The following AGBL1 variants were observed in gnomAD, a reference collection of about 807,000 sequenced individuals.
AGBL1 encodes AGBL carboxypeptidase 1.
A neutral mutation model predicts 118.9 loss-of-function variants in AGBL1; 130 were observed. That is an observed-to-expected ratio of 1.09 (90% confidence interval 0.95 to 1.26). AGBL1 has a LOEUF of 1.26. Ranked by LOEUF, AGBL1 falls within the 50% of genes most tolerant of loss-of-function variation. The pLI, the probability that AGBL1 is intolerant of heterozygous loss-of-function variation, is 0.00. For synonymous variants in AGBL1, 555 were observed against 478.9 expected, an observed-to-expected ratio of 1.16 and a Z score of -2.08; for missense variants, 1,584 against 1,298.1, an observed-to-expected ratio of 1.22 and a Z score of -3.38.
intron 7 of AGBL1, among the ~76,000 whole-genome samples, chr15:86,255,103 G>T (rs1005843748): frequency 6.6e-6 from 1 of 152,040 alleles, no homozygotes; most frequent in Admixed American, 6.6e-5. Flanking sequence ...ACATACCTAG[G>T]TTCCAAAATG....
chr15:86,648,342 A>G lies in AGBL1; in HGVS notation c.2995-25931A>G, dbSNP rs143498977. Among the ~76,000 whole-genome samples, 4 of 152,246 alleles carry G rather than the reference A, an allele frequency of 2.6e-5. No homozygotes were observed. In the East Asian group the frequency reaches 7.7e-4, roughly 29 times the overall value. ...GTGGTGAGGATCAGATTCTGAATAT[A>G]TGTTGAAGGCAGAGCCAATAGGACT... On this transcript the variant is annotated intron_variant, in intron 21 of 22. Transcript: ENST00000614907.
intron 22 of AGBL1, among the ~76,000 whole-genome samples, chr15:86,711,910 C>G (rs1326180118): frequency 6.6e-6 from 1 of 152,176 alleles, no homozygotes; most frequent in African/African-American, 2.4e-5. Context: ...TCACATATGT[C>G]TTATATGGAC....
chr15:86,801,219 C>A (rs1222623891), intron 22 of AGBL1, among the ~76,000 whole-genome samples: 1 of 152,002 alleles, frequency 6.6e-6, no homozygotes, highest in Non-Finnish European at 1.5e-5. Flanking sequence ...TGAATTCTAT[C>A]AGGGAGTAAA....
At chr15:86,580,076 T>A (rs2142329741) in intron 21 of AGBL1, among the ~76,000 whole-genome samples, 1 of 152,318 alleles carries the variant, frequency 6.6e-6, no homozygotes. Flanking sequence ...ATGGCCAATT[T>A]CTTCTGTGAA....
intron 18 of AGBL1, among the ~76,000 whole-genome samples, chr15:86,451,477 C>T (rs1256413326): frequency 6.6e-6 from 1 of 152,140 alleles, no homozygotes; most frequent in East Asian, 1.9e-4. Flanking sequence ...TCTTAGGCTT[C>T]TGAATATTTA....
intron 21 of AGBL1, among the ~76,000 whole-genome samples, chr15:86,634,073 C>A (rs1480732461): frequency 6.6e-6 from 1 of 151,894 alleles, no homozygotes; most frequent in African/African-American, 2.4e-5. Context: ...CTAGTATTGG[C>A]AAGGACGTGG....
chr15:86,784,419 C>T (rs1048316549), intron 22 of AGBL1, among the ~76,000 whole-genome samples: 2 of 152,148 alleles, frequency 1.3e-5, no homozygotes, highest in African/African-American at 4.8e-5. Context: ...ATATTCTCTG[C>T]CCCACTGGTT....
intron 18 of AGBL1, among the ~76,000 whole-genome samples, chr15:86,506,550 A>T (rs1346012841): frequency 6.6e-6 from 1 of 152,138 alleles, no homozygotes; most frequent in African/African-American, 2.4e-5. Flanking sequence ...CTCATCCAAT[A>T]GCTTTTCAAC....
chr15:86,139,980 C>A, intron 1 of AGBL1: 1 of 160,602 alleles, frequency 6.2e-6, no homozygotes, highest in East Asian at 1.7e-4. Flanking sequence ...CAATCTCCTC[C>A]ACCTTCATGA....
Position 86,162,083 on chromosome 15 carries a change from A to G in AGBL1, c.488+3057A>G, listed in dbSNP as rs865936737. Among the ~76,000 whole-genome samples, 32 of 152,254 alleles carry G rather than the reference A, an allele frequency of 2.1e-4. No homozygotes were observed. The Middle Eastern group carries it at 0.014, about 65-fold the overall frequency. On this transcript the variant is annotated intron_variant, in intron 5 of 22. Coordinates refer to ENST00000614907, the MANE Select transcript of AGBL1 (RefSeq NM_001386094.1). ...GTCTGGAGATGAGAACGTCCTGCCA[A>G]TTTCCATCTTTCACAAACTCCATCC...
chr15:86,818,747 A>G (rs867893115), intron 22 of AGBL1, among the ~76,000 whole-genome samples: 2 of 152,180 alleles, frequency 1.3e-5, no homozygotes, highest in Admixed American at 6.5e-5. Context: ...CAGTAGTACA[A>G]CATCGTGGCT....
rs771227872 is a variant in AGBL1, at chr15:86,354,944, C to T, written c.2375-42422C>T. ...AAAAGCATGAAACAAACTTGATGTG[C>T]TGTTGTGGACTTTGAAGATGGAGGC... On this transcript the variant is annotated intron_variant, in intron 17 of 22. Coordinates refer to ENST00000614907, the MANE Select transcript of AGBL1 (RefSeq NM_001386094.1). 4.6e-5 allele frequency among the ~76,000 whole-genome samples: 7 copies of T among 152,294 alleles called. No individual in the cohort carries two copies. In the East Asian group the frequency reaches 1.4e-3, roughly 29 times the overall value.
chr15:86,410,878 T>TTATATAAGATTATA (rs1491179573), intron 18 of AGBL1, among the ~76,000 whole-genome samples: 1 of 79,552 alleles, frequency 1.3e-5, no homozygotes, highest in South Asian at 4.2e-4. Context: ...ATAATATATA[T>TTATATAAGATTATA]TATAATATAT....
At chr15:86,840,487 C>T (rs1196541434) in intron 22 of AGBL1, among the ~76,000 whole-genome samples, 3 of 152,054 alleles carry the variant, frequency 2.0e-5, no homozygotes, top group African/African-American at 7.2e-5. Context: ...ACTCTGTTGC[C>T]CAGACTGGAG....
At chr15:86,878,587 T>C (rs2079847493) in intron 22 of AGBL1, among the ~76,000 whole-genome samples, 1 of 152,136 alleles carries the variant, frequency 6.6e-6, no homozygotes, top group South Asian at 2.1e-4. Flanking sequence ...CTCTCTTCTA[T>C]ATCTTCAATC....
intron 22 of AGBL1, among the ~76,000 whole-genome samples, chr15:86,684,638 C>T (rs777001468): frequency 6.6e-6 from 1 of 151,970 alleles, no homozygotes; most frequent in Non-Finnish European, 1.5e-5. Context: ...TAGTTTAGAT[C>T]ACAGACATAA....
At chr15:86,439,375 G>A (rs190386841) in intron 18 of AGBL1, among the ~76,000 whole-genome samples, 1 of 152,146 alleles carries the variant, frequency 6.6e-6, no homozygotes, top group East Asian at 1.9e-4. Context: ...ATGACATCTC[G>A]TTCAGCTGAA....
intron 21 of AGBL1, among the ~76,000 whole-genome samples, chr15:86,625,955 C>T (rs1349197545): frequency 2.6e-5 from 4 of 151,866 alleles, no homozygotes; most frequent in Non-Finnish European, 4.4e-5. Flanking sequence ...TGGAAGGCAC[C>T]AAGGAGAAAG....
intron 6 of AGBL1, among the ~76,000 whole-genome samples, chr15:86,234,203 G>A (rs1447740665): frequency 6.6e-6 from 1 of 152,006 alleles, no homozygotes; most frequent in Non-Finnish European, 1.5e-5. Flanking sequence ...TGGCTTGGTG[G>A]CATGTGTGCA....
Sources: gnomAD v4.1 joint callset for allele counts (sites outside exome capture counted in the v4.1 genomes callset) on GRCh38, gnomAD v4.1.1 for gene constraint, MANE v1.5 for transcripts, NCBI Gene and HGNC (gene_info 2026-07-23, HGNC 2026-07-21) for gene names.